Variants in MTR observed in about 807,000 individuals in gnomAD.
MTR encodes methionine synthase.
A neutral mutation model predicts 154.8 loss-of-function variants in MTR; 84 were observed. The ratio of observed to expected loss-of-function variants is 0.54; its 90% CI spans 0.45 to 0.65. MTR has a LOEUF of 0.65. Ranked by LOEUF, MTR falls within the 30% of genes least tolerant of loss-of-function variation. MTR has a pLI of 0.00. For missense variants in MTR, 1,275 were observed against 1,570.2 expected, an observed-to-expected ratio of 0.81 and a Z score of 3.18; for synonymous variants, 554 against 553.9, an observed-to-expected ratio of 1.00 and a Z score of 0.00.
At chr1:236,834,055 A>G (rs761145336) in intron 13 of MTR, among the ~76,000 whole-genome samples, 22 of 152,200 alleles carry the variant, frequency 1.4e-4, no homozygotes, top group Non-Finnish European at 2.2e-4. Flanking sequence ...TGACTGTGAC[A>G]TGTGCCTCCA....
At chr1:236,892,495 A>G (rs1478037806) in intron 29 of MTR, among the ~76,000 whole-genome samples, 2 of 152,172 alleles carry the variant, frequency 1.3e-5, no homozygotes, top group Admixed American at 6.5e-5. Context: ...AAAACAAACA[A>G]AAAAGATAGT....
intron 3 of MTR, among the ~76,000 whole-genome samples, chr1:236,808,111 C>A (rs915717732): frequency 6.6e-6 from 1 of 152,204 alleles, no homozygotes; most frequent in Non-Finnish European, 1.5e-5. Flanking sequence ...GGAAGAGCTT[C>A]TGGAGGGCCG....
Position 236,810,498 on chromosome 1 carries a change from C to G in MTR, c.410-5C>G. ...GATCTCACACTTGTTTTTCTTTTCC[C>G]AAAGGAATTAAGAGGTTTGTGGCAG... On this transcript the variant is annotated splice_region_variant and splice_polypyrimidine_tract_variant and intron_variant, in intron 4 of 32. Transcript: ENST00000366577. 1 of 1,612,738 alleles carries G rather than the reference C, an allele frequency of 6.2e-7. No homozygotes were observed. The highest frequency in any genetic ancestry group is 8.5e-7 in the Non-Finnish European group (1 of 1,178,892).
At chr1:236,861,531 C>G (rs892135110) in intron 20 of MTR, among the ~76,000 whole-genome samples, 1 of 152,104 alleles carries the variant, frequency 6.6e-6, no homozygotes, top group African/African-American at 2.4e-5. Context: ...TTTTGTATCA[C>G]CTCTTACCCC....
At position 236,903,978 on chromosome 1, in the gene MTR, C is replaced by T. The variant is rs1339575774; in HGVS notation, c.*6334C>T. The T allele has an allele frequency of 6.6e-6, 1 of 151,950 alleles. No homozygotes were observed. The highest frequency in any genetic ancestry group is 1.5e-5 in the Non-Finnish European group (1 of 68,016). The allele number at this position is 151,950 out of a possible 1,614,324, so 9.4% of individuals were successfully genotyped here. On this transcript the variant is annotated 3_prime_UTR_variant, in exon 33 of 33. Transcript: ENST00000366577. ...TACCATTAATTAAAAATATTTTAAC[C>T]TGATATGATAGATTGTTGAATTTTT...
intron 11 of MTR, among the ~76,000 whole-genome samples, chr1:236,827,835 C>T (rs913492538): frequency 5.3e-5 from 8 of 151,986 alleles, no homozygotes; most frequent in Non-Finnish European, 8.8e-5. Flanking sequence ...TTGTTTTTTC[C>T]CTGGAGTGAC....
chr1:236,897,645 C>A lies in MTR; in HGVS notation c.*1C>A. 2 of 1,505,670 alleles carry A rather than the reference C, an allele frequency of 1.3e-6. No individual in the cohort carries two copies. The highest frequency in any genetic ancestry group is 1.1e-5 in the South Asian group (1 of 87,128). The allele number at this position is 1,505,670 out of a possible 1,614,324, so 93.3% of individuals were successfully genotyped here. A position where few individuals can be genotyped will look rare whatever the true frequency, so the allele number is the denominator to read the frequency against. On this transcript the variant is annotated 3_prime_UTR_variant, in exon 33 of 33. Transcript: ENST00000366577. ...CATTTTGGGATATGATACAGACTAA[C>A]TTTTTTTTTTTTTTTGCCTTTTTTA... is the stretch of plus-strand genomic sequence containing the variant.
At position 236,897,314 on chromosome 1, in the gene MTR, A is replaced by ACGCGCG. The variant is rs1389522645; in HGVS notation, c.3711+197_3711+198insGCGCGC. Among the ~76,000 whole-genome samples, 1,832 of 80,888 alleles carry ACGCGCG rather than the reference A, an allele frequency of 0.023. 52 individuals are homozygous for ACGCGCG. The highest frequency in any genetic ancestry group is 0.075 in the African/African-American group (1,704 of 22,630). 53.1% of individuals were successfully genotyped at this position (80,888 alleles called of 152,430 possible). A position where few individuals can be genotyped will look rare whatever the true frequency, so the allele number is the denominator to read the frequency against. ...CTACATGCAAGCCACACACACGCACACACACACACACACACACACACACAC... is the reference window on the plus strand; with the variant it reads ...CTACATGCAAGCCACACACACGCACACGCGCGCACACACACACACACACACACACAC... On this transcript the variant is annotated intron_variant, in intron 32 of 32. Coordinates refer to ENST00000366577, the MANE Select transcript of MTR (RefSeq NM_000254.3).
At chr1:236,862,168 C>A in intron 20 of MTR, 68 bp from the exon 21 acceptor site, 2 of 1,320,330 alleles carry the variant, frequency 1.5e-6, no homozygotes, top group Non-Finnish European at 2.2e-6. Flanking sequence ...GCCCAAATTT[C>A]ACAAGTGGCC....
At chr1:236,803,765 G>T in intron 2 of MTR, 123 bp downstream of exon 2, 1 of 982,514 alleles carries the variant, frequency 1.0e-6, no homozygotes, top group Non-Finnish European at 1.6e-6. Flanking sequence ...AATTTATTCA[G>T]AAAGCAGGTT....
At chr1:236,881,187 C>T (rs1572324213) in intron 25 of MTR, among the ~76,000 whole-genome samples, 1 of 152,112 alleles carries the variant, frequency 6.6e-6, no homozygotes, top group African/African-American at 2.4e-5. Context: ...TTTAAATGAC[C>T]TTTTTCCAGA....
chr1:236,897,514 G>A (rs370397339), intron 32 of MTR, 44 bp from the exon 33 acceptor site: 28 of 1,562,960 alleles, frequency 1.8e-5, no homozygotes, highest in Non-Finnish European at 2.5e-5. Context: ...TATTCCAAAA[G>A]TCTTATCATG....
At position 236,900,489 on chromosome 1, in the gene MTR, C is replaced by T. The variant is rs1168430366; in HGVS notation, c.*2845C>T. 1.9e-5 allele frequency: 3 copies of T among 155,710 alleles called. No individual in the cohort carries two copies. The highest frequency in any genetic ancestry group is 4.8e-5 in the African/African-American group (2 of 41,420). 9.6% of individuals were successfully genotyped at this position (155,710 alleles called of 1,614,324 possible). ...AAGGAGGAAGTGGAAGGGACAGGAG[C>T]ACATAGGTAGATGCCAAGTTATGCA... On this transcript the variant is annotated 3_prime_UTR_variant, in exon 33 of 33. Transcript: ENST00000366577.
chr1:236,894,657 TC>T, intron 30 of MTR, 100 bp downstream of exon 30: 10 of 1,141,536 alleles, frequency 8.8e-6, no homozygotes, highest in East Asian at 2.5e-5. Context: ...AGAACCAGTG[TC>T]TTTTTTTTTT....
chr1:236,806,077 G>GC lies in MTR; in HGVS notation c.250-66dup, dbSNP rs1660967554. 6 of 1,285,952 alleles carry GC rather than the reference G, an allele frequency of 4.7e-6. No homozygotes were observed. The East Asian group carries it at 1.4e-4, about 30-fold the overall frequency. 79.7% of individuals were successfully genotyped at this position (1,285,952 alleles called of 1,614,324 possible). ...TGCTGATAATGGTGGTAATGAAAGG[G>GC]CATGTTTATTCTGGGGGCACAAGAA... On this transcript the variant is annotated intron_variant, in intron 2 of 32. Coordinates refer to ENST00000366577, the MANE Select transcript of MTR (RefSeq NM_000254.3).
chr1:236,811,222 G>C (rs1661284066), intron 5 of MTR, among the ~76,000 whole-genome samples: 1 of 152,062 alleles, frequency 6.6e-6, no homozygotes, highest in African/African-American at 2.4e-5. Context: ...ACTCTTATAA[G>C]AACAGCACAG....
In MTR at chr1:236,902,065, C is replaced by T. The variant is rs1267823388; in HGVS notation, c.*4421C>T. The T allele has an allele frequency of 6.6e-6, 1 of 152,384 alleles. No individual in the cohort carries two copies. Among genetic ancestry groups the T allele is most frequent in the Non-Finnish European group, 1.5e-5 (1 of 68,258 alleles). 9.4% of individuals were successfully genotyped at this position (152,384 alleles called of 1,614,324 possible). The stretch of plus-strand genomic sequence containing the variant: ...CCTCCTAGAGCTGGAAGAGTGGGCT[C>T]TCTGATTCTTTACACCCCCGCCTCA... On this transcript the variant is annotated 3_prime_UTR_variant, in exon 33 of 33. Transcript: ENST00000366577.
intron 18 of MTR, 139 bp downstream of exon 18, chr1:236,853,227 G>T (rs1184780232): frequency 9.1e-7 from 1 of 1,096,030 alleles, no homozygotes; most frequent in Non-Finnish European, 1.4e-6. Context: ...TCTACAGAGA[G>T]TTGCAGAGAT....
At chr1:236,871,277 C>G (rs968431513) in intron 22 of MTR, among the ~76,000 whole-genome samples, 1 of 152,116 alleles carries the variant, frequency 6.6e-6, no homozygotes, top group Non-Finnish European at 1.5e-5. Flanking sequence ...GATTCTGATG[C>G]GAAGTCTACA....
Sources: allele counts gnomAD v4.1 joint callset (sites outside exome capture counted in the v4.1 genomes callset), GRCh38; gene constraint gnomAD v4.1.1; transcripts MANE v1.5; gene names NCBI Gene and HGNC (gene_info 2026-07-23, HGNC 2026-07-21).